MIGA2: variants seen among roughly 807,000 people sequenced by gnomAD.
The protein encoded by MIGA2 is family with sequence similarity 73, member B.
Under a neutral mutation model 69.9 loss-of-function variants are expected in MIGA2, and 36 were observed. That is an observed-to-expected ratio of 0.52 (90% confidence interval 0.39 to 0.68). The LOEUF is 0.68. Ranked by LOEUF, MIGA2 falls within the 30% of genes least tolerant of loss-of-function variation. MIGA2 has a pLI of 0.00. For synonymous variants in MIGA2, 333 were observed against 349.2 expected (o/e 0.95, Z 0.52); for missense variants, 660 against 787.7 (o/e 0.84, Z 1.94).
chr9:129,068,248 C>T lies in MIGA2; in HGVS notation c.1320C>T (p.Asp440=), dbSNP rs780788061. Residue 440 remains aspartate, a synonymous_variant, in exon 13 of 16, where the codon GAC becomes GAT. Transcript: ENST00000684074. This position sits in a 1 kb window ranked among gnomAD's most constrained non-coding sequence, Gnocchi z 4.1. The part of the protein sequence containing the change: ...FDIVLDFILM[D]AFEDLENPPA... ...TCGTGCTGGACTTCATCCTCATGGA[C>T]GCCTTCGAGGACCTGGAGAACCCTC... 1.4e-5 allele frequency: 23 copies of T among 1,613,540 alleles called. 1 individual carries two copies. Among genetic ancestry groups the T allele is most frequent in the Middle Eastern group, 1.6e-4 (1 of 6,082 alleles).
At chr9:129,066,647 C>T (rs1439723923) in intron 11 of MIGA2, among the ~76,000 whole-genome samples, 1 of 115,468 alleles carries the variant, frequency 8.7e-6, no homozygotes, top group Non-Finnish European at 1.7e-5. Flanking sequence ...GCACTCCAGC[C>T]TGGGCGACCA....
At chr9:129,056,483 G>A (rs563355484) in intron 6 of MIGA2, among the ~76,000 whole-genome samples, 1 of 151,944 alleles carries the variant, frequency 6.6e-6, no homozygotes, top group South Asian at 2.1e-4. Context: ...GTGGCCACCA[G>A]TAAGGGTAGC....
At position 129,071,644 on chromosome 9, in the gene MIGA2, G is replaced by A. The variant is rs1018614026; in HGVS notation, c.*1191G>A. On this transcript the variant is annotated 3_prime_UTR_variant, in exon 16 of 16. Coordinates refer to ENST00000684074, the MANE Select transcript of MIGA2 (RefSeq NM_001329990.2). Reference sequence around the variant, plus strand: ...CCCCTCTCCCCTGAATGGGAAAGGGGTCTGGGGATGGGAGGGCGCACCACA... The same window carrying A: ...CCCCTCTCCCCTGAATGGGAAAGGGATCTGGGGATGGGAGGGCGCACCACA... 3 of 152,186 alleles carry A rather than the reference G, an allele frequency of 2.0e-5. No homozygotes were observed. The highest frequency in any genetic ancestry group is 4.4e-5 in the Non-Finnish European group (3 of 68,038). 9.4% of individuals were successfully genotyped at this position (152,186 alleles called of 1,614,324 possible).
chr9:129,050,473 C>T (rs17508335), intron 6 of MIGA2, among the ~76,000 whole-genome samples: 2,193 of 152,054 alleles, frequency 0.014, 55 homozygotes, highest in African/African-American at 0.044. Flanking sequence ...CAGGGTTTCA[C>T]CATGTTGGCC....
At chr9:129,067,622 T>C in intron 11 of MIGA2, 151 bp from the exon 12 acceptor site, 1 of 664,552 alleles carries the variant, frequency 1.5e-6, no homozygotes, top group Non-Finnish European at 2.6e-6. Flanking sequence ...CCTGCTGTGC[T>C]GAGTAGGAGA....
At chr9:129,055,992 T>C (rs1845774825) in intron 6 of MIGA2, among the ~76,000 whole-genome samples, 1 of 149,210 alleles carries the variant, frequency 6.7e-6, no homozygotes, top group South Asian at 2.1e-4. Context: ...CTACAATAAA[T>C]ACAAAAATAT....
chr9:129,040,585 T>C lies in MIGA2; in HGVS notation c.-10T>C, dbSNP rs767315928. 6.2e-7 allele frequency: 1 copy of C among 1,608,448 alleles called. No individual in the cohort carries two copies. The highest frequency in any genetic ancestry group is 8.5e-7 in the Non-Finnish European group (1 of 1,176,048). ...GCCCTGAGGACTTTGCCTGGGGCAT[T>C]GGCCCTGCCATGGCGTTCCGGAGGG... On this transcript the variant is annotated 5_prime_UTR_variant, in exon 2 of 16. Coordinates refer to ENST00000684074, the MANE Select transcript of MIGA2 (RefSeq NM_001329990.2).
At chr9:129,038,782 T>C (rs1365984766) in intron 1 of MIGA2, among the ~76,000 whole-genome samples, 3 of 150,174 alleles carry the variant, frequency 2.0e-5, no homozygotes, top group Admixed American at 1.3e-4. Flanking sequence ...CCTTTTTTTT[T>C]GTTTGTCTTT....
chr9:129,043,607 G>A (rs1006619106), intron 3 of MIGA2, among the ~76,000 whole-genome samples: 4 of 151,600 alleles, frequency 2.6e-5, no homozygotes, highest in South Asian at 4.2e-4. Flanking sequence ...GGCTGCTCTC[G>A]AACTCCTGAG....
rs768879690 is a variant in MIGA2 at position 129,042,433 on chromosome 9, G to T, written c.226G>T (p.Gly76Cys). 6.2e-7 allele frequency: 1 copy of T among 1,612,688 alleles called. No homozygotes were observed. The highest frequency in any genetic ancestry group is 8.5e-7 in the Non-Finnish European group (1 of 1,179,680). ...KRRRRRKKQV[G>C]PEMGGEQLGT... ...GCGACGGAGGAGGAAGAAGCAGGTT[G>T]GTCCCGAGATGGGAGGGGAGCAGCT... The change falls in exon 3 of 16, where the codon GGT becomes TGT. Residue 76 changes from glycine (G) to cysteine (C), a missense_variant. By Grantham distance (159) the Gly-to-Cys change is radical. Coordinates refer to ENST00000684074, the MANE Select transcript of MIGA2 (RefSeq NM_001329990.2).
intron 1 of MIGA2, among the ~76,000 whole-genome samples, chr9:129,038,611 C>G (rs1481083989): frequency 2.0e-5 from 3 of 151,996 alleles, no homozygotes; most frequent in Non-Finnish European, 2.9e-5. Flanking sequence ...TGCTGCATGT[C>G]AAATTTAGCA....
At position 129,069,538 on chromosome 9, in the gene MIGA2, T is replaced by G; in HGVS notation, c.1459-311T>G. Reference sequence around the variant, plus strand: ...ACTGGCTGTGCTATCTGGCCTGTGGTTTGTCGTTCCCCTCTGCGGGCCAGG... The same window carrying G: ...ACTGGCTGTGCTATCTGGCCTGTGGGTTGTCGTTCCCCTCTGCGGGCCAGG... On this transcript the variant is annotated intron_variant, in intron 14 of 15. Transcript: ENST00000684074. The surrounding 1 kb of genome is among the most constrained non-coding windows in gnomAD (Gnocchi z 4.9). The G allele has an allele frequency of 2.0e-6, 1 of 511,604 alleles. No homozygotes were observed. The highest frequency in any genetic ancestry group is 5.5e-4 in the Middle Eastern group (1 of 1,818). 31.7% of individuals were successfully genotyped at this position (511,604 alleles called of 1,614,324 possible). A position where few individuals can be genotyped will look rare whatever the true frequency, so the allele number is the denominator to read the frequency against.
chr9:129,053,588 A>G (rs536543534), intron 6 of MIGA2, among the ~76,000 whole-genome samples: 1 of 152,052 alleles, frequency 6.6e-6, no homozygotes, highest in East Asian at 1.9e-4. Context: ...GCTGGTTTCT[A>G]TCTCCTGACC....
At chr9:129,048,220 G>A (rs1391759518) in intron 3 of MIGA2, among the ~76,000 whole-genome samples, 1 of 152,210 alleles carries the variant, frequency 6.6e-6, no homozygotes, top group East Asian at 1.9e-4. Flanking sequence ...GCAGGGATAT[G>A]GCAGGGATGT....
chr9:129,056,070 G>A (rs1439469262), intron 6 of MIGA2, among the ~76,000 whole-genome samples: 1 of 149,060 alleles, frequency 6.7e-6, no homozygotes, highest in African/African-American at 2.5e-5. Flanking sequence ...AGGATTGCCT[G>A]AGCCCATGAT....
In MIGA2 at chr9:129,059,766, G is replaced by C. The variant is rs903684699; in HGVS notation, c.793+495G>C. 2.6e-5 allele frequency among the ~76,000 whole-genome samples: 4 copies of C among 152,236 alleles called. No individual in the cohort carries two copies. Among genetic ancestry groups the C allele is most frequent in the African/African-American group, 9.6e-5 (4 of 41,554 alleles). On this transcript the variant is annotated intron_variant, in intron 7 of 15. Transcript: ENST00000684074. The surrounding 1 kb of genome is among the most constrained non-coding windows in gnomAD (Gnocchi z 5.6). ...CTGCCAAACAGCCACTGTCCTCTTC[G>C]GACCCCTGCAGTGAATGACACCCTG...
chr9:129,050,532 C>T lies in MIGA2; in HGVS notation c.675+569C>T, dbSNP rs561371603. Among the ~76,000 whole-genome samples, 3 of 150,690 alleles carry T rather than the reference C, an allele frequency of 2.0e-5. No homozygotes were observed. The South Asian group carries it at 6.3e-4, about 32-fold the overall frequency. ...TCATGATCCACCCTCCCTGGCCTCC[C>T]AAAGTGCTGGGATTACAGGCGTGAG... On this transcript the variant is annotated intron_variant, in intron 6 of 15. Coordinates refer to ENST00000684074, the MANE Select transcript of MIGA2 (RefSeq NM_001329990.2).
chr9:129,069,375 TAGTGGCCACAGGG>T lies in MIGA2; in HGVS notation c.1458+247_1458+259del. 1 of 571,564 alleles carries T rather than the reference TAGTGGCCACAGGG, an allele frequency of 1.7e-6. No individual in the cohort carries two copies. Among genetic ancestry groups the T allele is most frequent in the Non-Finnish European group, 3.1e-6 (1 of 320,250 alleles). 35.4% of individuals were successfully genotyped at this position (571,564 alleles called of 1,614,324 possible). The stretch of plus-strand genomic sequence containing the variant: ...GGGGAGGGGAACGGATACCCTAGGG[TAGTGGCCACAGGG>T]CTGGCAGCTGGCCTGGTGCAGGCGT... On this transcript the variant is annotated intron_variant, in intron 14 of 15. Coordinates refer to ENST00000684074, the MANE Select transcript of MIGA2 (RefSeq NM_001329990.2). This position sits in a 1 kb window ranked among gnomAD's most constrained non-coding sequence, Gnocchi z 4.9.
chr9:129,039,371 G>A lies in MIGA2; in HGVS notation c.-143-1081G>A, dbSNP rs188075077. ...TGCCATTCTCCTGCCTCAGCCTTCC[G>A]CGTAGCTGTGATTACAGGTGCCCGC... is the stretch of plus-strand genomic sequence containing the variant. On this transcript the variant is annotated intron_variant, in intron 1 of 15. Coordinates refer to ENST00000684074, the MANE Select transcript of MIGA2 (RefSeq NM_001329990.2). Among the ~76,000 whole-genome samples the A allele has an allele frequency of 2.2e-3, 326 of 151,224 alleles. 1 individual carries two copies. Among genetic ancestry groups the A allele is most frequent in the Non-Finnish European group, 4.0e-3 (272 of 67,848 alleles).
Sources: allele counts gnomAD v4.1 joint callset (sites outside exome capture counted in the v4.1 genomes callset), GRCh38; gene constraint gnomAD v4.1.1; non-coding constraint Gnocchi (gnomAD v3.1); transcripts MANE v1.5; gene names NCBI Gene and HGNC (gene_info 2026-07-23, HGNC 2026-07-21).